The following TSNARE1 variants were observed in gnomAD, a reference collection of about 807,000 sequenced individuals.
TSNARE1 encodes the protein t-SNARE domain-containing protein 1.
TSNARE1 carries 49 observed loss-of-function variants against 62.0 expected under a neutral mutation model. The observed-to-expected ratio is 0.79, with a 90% CI of 0.63 to 1.00. The LOEUF (loss-of-function observed/expected upper bound fraction) is 1.00, where lower values mean the gene tolerates loss of function less well. Ranked by LOEUF, TSNARE1 falls within the 50% of genes least tolerant of loss-of-function variation. The pLI, the probability that TSNARE1 is intolerant of heterozygous loss-of-function variation, is 0.00. For synonymous variants in TSNARE1, 328 were observed against 294.4 expected, an observed-to-expected ratio of 1.11 and a Z score of -1.17; for missense variants, 755 against 700.1, an observed-to-expected ratio of 1.08 and a Z score of -0.88.
chr8:142,225,463 C>T (rs538121585), intron 13 of TSNARE1, among the ~76,000 whole-genome samples: 3 of 151,962 alleles, frequency 2.0e-5, no homozygotes, highest in South Asian at 2.1e-4. Flanking sequence ...TGCTCACATG[C>T]GGGCTGTACC....
chr8:142,379,841 C>G (rs1587087554), intron 1 of TSNARE1, among the ~76,000 whole-genome samples: 1 of 152,176 alleles, frequency 6.6e-6, no homozygotes, highest in African/African-American at 2.4e-5. Flanking sequence ...GCCACCCACC[C>G]AAATCTGCCT....
chr8:142,283,703 C>T (rs867778800), intron 11 of TSNARE1, among the ~76,000 whole-genome samples: 133 of 147,492 alleles, frequency 9.0e-4, no homozygotes, highest in African/African-American at 3.3e-3. Context: ...TGAGCAGAGG[C>T]GGGGCCAGTG....
intron 1 of TSNARE1, among the ~76,000 whole-genome samples, chr8:142,355,892 G>A (rs1834691716): frequency 1.3e-5 from 2 of 152,160 alleles, no homozygotes; most frequent in Admixed American, 1.3e-4. Context: ...CCTGCCCAGA[G>A]CAGGGCAGCA....
chr8:142,317,250 G>A (rs1017152765), intron 7 of TSNARE1, among the ~76,000 whole-genome samples: 8 of 144,610 alleles, frequency 5.5e-5, no homozygotes, highest in Admixed American at 1.4e-4. Flanking sequence ...CACACTGTAC[G>A]CGTGAAGCGG....
intron 1 of TSNARE1, among the ~76,000 whole-genome samples, chr8:142,363,011 A>T (rs1274519164): frequency 6.6e-6 from 1 of 152,126 alleles, no homozygotes; most frequent in Non-Finnish European, 1.5e-5. Context: ...CCTAACTCAT[A>T]GACATCTAGA....
intron 13 of TSNARE1, among the ~76,000 whole-genome samples, chr8:142,216,934 G>T (rs1213420405): frequency 1.3e-5 from 2 of 152,148 alleles, no homozygotes; most frequent in Non-Finnish European, 2.9e-5. Context: ...GAGACGGTAG[G>T]TGAACAGTCG....
intron 11 of TSNARE1, among the ~76,000 whole-genome samples, chr8:142,280,748 A>G (rs1821289970): frequency 3.3e-5 from 5 of 152,172 alleles, no homozygotes; most frequent in Admixed American, 2.6e-4. Flanking sequence ...ACAGGTGGCC[A>G]GGGGCAGAAA....
At chr8:142,261,372 G>T (rs1484551230) in intron 12 of TSNARE1, among the ~76,000 whole-genome samples, 1 of 123,826 alleles carries the variant, frequency 8.1e-6, no homozygotes, top group East Asian at 2.9e-4. Context: ...AGGGAGGAGG[G>T]ATGGAGGAGA....
At chr8:142,256,381 ATCATCAC>A (rs1818569036) in intron 12 of TSNARE1, among the ~76,000 whole-genome samples, 1 of 139,190 alleles carries the variant, frequency 7.2e-6, no homozygotes, top group Non-Finnish European at 1.6e-5. Context: ...CACCACCATC[ATCATCAC>A]CAATACCACC....
At chr8:142,223,101 T>TCATTCATCCAC (rs1816520279) in intron 13 of TSNARE1, among the ~76,000 whole-genome samples, 3 of 131,922 alleles carry the variant, frequency 2.3e-5, no homozygotes. Context: ...CATCCACTCA[T>TCATTCATCCAC]TCACTCACTC....
At chr8:142,297,569 T>C (rs1484283402) in intron 10 of TSNARE1, among the ~76,000 whole-genome samples, 4 of 152,154 alleles carry the variant, frequency 2.6e-5, no homozygotes, top group African/African-American at 9.6e-5. Context: ...GGGATGAGGG[T>C]GCCGGCTCCA....
intron 2 of TSNARE1, among the ~76,000 whole-genome samples, chr8:142,353,120 C>T (rs1834325198): frequency 6.6e-6 from 1 of 152,082 alleles, no homozygotes; most frequent in South Asian, 2.1e-4. Flanking sequence ...TCTCCAGGGT[C>T]CCCCTCTACT....
At chr8:142,376,219 G>C (rs1836327087) in intron 1 of TSNARE1, among the ~76,000 whole-genome samples, 1 of 152,182 alleles carries the variant, frequency 6.6e-6, no homozygotes, top group South Asian at 2.1e-4. Flanking sequence ...GGACAAGGGT[G>C]TGTCTCACGC....
chr8:142,261,662 C>T (rs1818894955), intron 12 of TSNARE1, among the ~76,000 whole-genome samples: 1 of 152,050 alleles, frequency 6.6e-6, no homozygotes, highest in South Asian at 2.1e-4. Context: ...TGGCCACGGC[C>T]CCGGGGTGGG....
chr8:142,236,909 G>A (rs1040311182), intron 12 of TSNARE1, among the ~76,000 whole-genome samples: 6 of 152,212 alleles, frequency 3.9e-5, no homozygotes, highest in African/African-American at 7.2e-5. Flanking sequence ...ACCCTGCGGC[G>A]GTCATGATGA....
intron 1 of TSNARE1, among the ~76,000 whole-genome samples, chr8:142,370,933 T>C (rs1030161294): frequency 1.3e-5 from 2 of 151,584 alleles, no homozygotes; most frequent in Non-Finnish European, 2.9e-5. Flanking sequence ...GCTGCTGACC[T>C]AACTACCTTC....
In TSNARE1 at chr8:142,277,464, C is replaced by T. The variant is rs371656249; in HGVS notation, c.1364-2601G>A. On this transcript the variant is annotated intron_variant, in intron 11 of 13. Coordinates refer to ENST00000524325, the MANE Select transcript of TSNARE1 (RefSeq NM_145003.5). ...ACCAGCCCTGCAGGCCTGGCCCTGCCCAAACCCCAGGCAGTGCCGCTGCAG... is the reference window on the plus strand; with the variant it reads ...ACCAGCCCTGCAGGCCTGGCCCTGCTCAAACCCCAGGCAGTGCCGCTGCAG... 208 of 985,478 alleles carry T rather than the reference C, an allele frequency of 2.1e-4. No homozygotes were observed. The African/African-American group carries it at 3.2e-3, about 15-fold the overall frequency. 61.0% of individuals were successfully genotyped at this position (985,478 alleles called of 1,614,324 possible).
At chr8:142,222,763 CTCAT>C (rs200425160) in intron 13 of TSNARE1, among the ~76,000 whole-genome samples, 51,192 of 82,850 alleles carry the variant, frequency 0.62, 16,383 homozygotes, top group East Asian at 0.76. Flanking sequence ...CACTCACTCA[CTCAT>C]TCACTCATCC....
chr8:142,215,438 C>A (rs992519509), intron 13 of TSNARE1, among the ~76,000 whole-genome samples: 24 of 152,102 alleles, frequency 1.6e-4, no homozygotes, highest in African/African-American at 5.8e-4. Flanking sequence ...CATCTTCTGG[C>A]CAGAACTGCC....
Sources: allele counts gnomAD v4.1 joint callset (sites outside exome capture counted in the v4.1 genomes callset), GRCh38; gene constraint gnomAD v4.1.1; transcripts MANE v1.5; gene names NCBI Gene and HGNC (gene_info 2026-07-23, HGNC 2026-07-21).